The following CD37 variants were observed in gnomAD, a reference collection of about 807,000 sequenced individuals.
CD37 encodes the protein CD37 molecule.
CD37 carries 37 observed loss-of-function variants against 38.9 expected under a neutral mutation model. The ratio of observed to expected loss-of-function variants is 0.95; its 90% CI spans 0.73 to 1.25. The LOEUF is 1.25. CD37 is among the 50% of genes most tolerant of loss of function. The pLI, the probability that CD37 is intolerant of heterozygous loss-of-function variation, is 0.00. For synonymous variants in CD37, 146 were observed against 150.1 expected (o/e 0.97, Z 0.20); for missense variants, 351 against 360.1 (o/e 0.97, Z 0.20).
In CD37 at chr19:49,339,201, TAG is replaced by T; in HGVS notation, c.685-126_685-125del. ...AGCGAGGGTGCACTAGTAAGGAGAC[TAG>T]AGTGCCCTGGTGACTAGGGGAGCGG... On this transcript the variant is annotated intron_variant, in intron 6 of 7. Transcript: ENST00000323906. The surrounding 1 kb of genome is among the most constrained non-coding windows in gnomAD (Gnocchi z 4.5). The T allele has an allele frequency of 1.2e-6, 1 of 824,232 alleles. No homozygotes were observed. The allele number at this position is 824,232 out of a possible 1,614,324, so 51.1% of individuals were successfully genotyped here.
rs953618672 is a variant in CD37 at position 49,338,382 on chromosome 19, C to T, written c.448-318C>T. ...CGGACCCCGCCCCCGATGAGACTCA[C>T]ATGGTCTCGCACTCCTATTCACCTG... On this transcript the variant is annotated intron_variant, in intron 5 of 7. Transcript: ENST00000323906. The surrounding 1 kb of genome is among the most constrained non-coding windows in gnomAD (Gnocchi z 5.0). Among the ~76,000 whole-genome samples, 4 of 151,830 alleles carry T rather than the reference C, an allele frequency of 2.6e-5. No homozygotes were observed. Among genetic ancestry groups the T allele is most frequent in the African/African-American group, 9.7e-5 (4 of 41,294 alleles).
intron 2 of CD37, 137 bp from the exon 3 acceptor site, chr19:49,336,772 A>G: frequency 1.2e-6 from 1 of 805,124 alleles, no homozygotes. Flanking sequence ...ACAGGGACTC[A>G]GGGTGGGGCA....
In CD37 at chr19:49,338,258, TCCGCCC is replaced by T. The variant is rs1391868690; in HGVS notation, c.447+243_447+248del. The T allele has an allele frequency of 4.1e-5, 52 of 1,268,268 alleles. No individual in the cohort carries two copies. In the East Asian group the frequency reaches 1.1e-3, roughly 27 times the overall value. The allele number at this position is 1,268,268 out of a possible 1,614,324, so 78.6% of individuals were successfully genotyped here. A position where few individuals can be genotyped will look rare whatever the true frequency, so the allele number is the denominator to read the frequency against. The stretch of plus-strand genomic sequence containing the variant: ...GGCTTCGCCATCTACCTCGAGAGAC[TCCGCCC>T]CCGCCCCCGCCCCGACCAGAGGTTG... On this transcript the variant is annotated intron_variant, in intron 5 of 7. Transcript: ENST00000323906. This position sits in a 1 kb window ranked among gnomAD's most constrained non-coding sequence, Gnocchi z 5.0.
Position 49,337,157 on chromosome 19 carries a change from T to G in CD37, c.278T>G (p.Met93Arg). ...CACTCTGCTCCCCAGTATTTTGGGA[T>G]GCTGCTGCTCCTGTTTGCCACACAG... Reference protein sequence around the residue: ...LRCLLGLYFGMLLLLFATQIT... With the variant: ...LRCLLGLYFGRLLLLFATQIT... The change falls in exon 4 of 8, where the codon ATG (methionine) becomes AGG (arginine). Residue 93 changes from methionine (M) to arginine (R), a missense_variant. Met to Arg is a moderately conservative substitution (Grantham distance 91). Coordinates refer to ENST00000323906, the MANE Select transcript of CD37 (RefSeq NM_001774.3). 6.2e-7 allele frequency: 1 copy of G among 1,614,150 alleles called. No homozygotes were observed. Among genetic ancestry groups the G allele is most frequent in the Non-Finnish European group, 8.5e-7 (1 of 1,180,000 alleles).
In CD37 at chr19:49,339,394, T is replaced by C; in HGVS notation, c.749T>C (p.Leu250Pro). Residue 250 changes from leucine to proline, a missense_variant, in exon 7 of 8, where the codon CTG becomes CCG. Leu to Pro is a moderately conservative substitution (Grantham distance 98, BLOSUM62 -3). Coordinates refer to ENST00000323906, the MANE Select transcript of CD37 (RefSeq NM_001774.3). The surrounding 1 kb of genome is among the most constrained non-coding windows in gnomAD (Gnocchi z 4.5). ...NNLISIVGICLGVGLLELGFM... is the reference protein window; with the variant it reads ...NNLISIVGICPGVGLLELGFM... Reference sequence around the variant, plus strand: ...CTTATTTCCATAGTGGGCATTTGCCTGGGCGTCGGCCTACTCGAGGTGATC... The same window carrying C: ...CTTATTTCCATAGTGGGCATTTGCCCGGGCGTCGGCCTACTCGAGGTGATC... The C allele has an allele frequency of 6.2e-7, 1 of 1,613,966 alleles. No homozygotes were observed. Among genetic ancestry groups the C allele is most frequent in the African/African-American group, 1.3e-5 (1 of 75,040 alleles).
rs369345704 is a variant in CD37, at chr19:49,338,682, C to T, written c.448-18C>T. 42 of 1,583,800 alleles carry T rather than the reference C, an allele frequency of 2.7e-5. No individual in the cohort carries two copies. The African/African-American group carries it at 5.2e-4, about 20-fold the overall frequency. ...ATGTCTCCAGTCCCGGTCCCTCTGA[C>T]TCGTATCCCTCTCCCAGCTGCGCTG... On this transcript the variant is annotated intron_variant, in intron 5 of 7. Transcript: ENST00000323906. This position sits in a 1 kb window ranked among gnomAD's most constrained non-coding sequence, Gnocchi z 5.0.
Position 49,340,459 on chromosome 19 carries a change from G to A in CD37, c.*131G>A. Reference sequence around the variant, plus strand: ...CCTTCACATTCCCCTGGGGACCCACGTGGCTGCGTGCCCCTGCTGCTGTCA... The same window carrying A: ...CCTTCACATTCCCCTGGGGACCCACATGGCTGCGTGCCCCTGCTGCTGTCA... On this transcript the variant is annotated 3_prime_UTR_variant, in exon 8 of 8. Transcript: ENST00000323906. The A allele has an allele frequency of 2.8e-6, 2 of 714,964 alleles. No individual in the cohort carries two copies. Among genetic ancestry groups the A allele is most frequent in the South Asian group, 1.5e-5 (1 of 65,664 alleles). 44.3% of individuals were successfully genotyped at this position (714,964 alleles called of 1,614,324 possible).
rs1404328236 is a variant in CD37, at chr19:49,339,813, C to A, written c.768+400C>A. ...GCGGCAGTCTGTGGGGTGGCTGGGG[C>A]ATGGCGGGTGCCTGCCCCAACTGGG... On this transcript the variant is annotated intron_variant, in intron 7 of 7. Transcript: ENST00000323906. The surrounding 1 kb of genome is among the most constrained non-coding windows in gnomAD (Gnocchi z 4.5). The A allele has an allele frequency of 5.9e-6, 8 of 1,349,156 alleles. No homozygotes were observed. The Admixed American group carries it at 2.0e-4, about 33-fold the overall frequency. 83.6% of individuals were successfully genotyped at this position (1,349,156 alleles called of 1,614,324 possible).
intron 2 of CD37, chr19:49,336,108 A>G: frequency 2.4e-6 from 1 of 410,554 alleles, no homozygotes; most frequent in South Asian, 4.0e-5. Flanking sequence ...TACAGCAAGG[A>G]CGTAAAAGAG....
At chr19:49,340,200 G>C (rs1181171171) in intron 7 of CD37, 51 bp from the exon 8 acceptor site, 7 of 1,319,400 alleles carry the variant, frequency 5.3e-6, no homozygotes, top group Non-Finnish European at 7.2e-6. Flanking sequence ...CATCACCCCC[G>C]TCTCGCCAGC....
In CD37 at chr19:49,339,073, T is replaced by A; in HGVS notation, c.684+137T>A. On this transcript the variant is annotated intron_variant, in intron 6 of 7. Coordinates refer to ENST00000323906, the MANE Select transcript of CD37 (RefSeq NM_001774.3). This position sits in a 1 kb window ranked among gnomAD's most constrained non-coding sequence, Gnocchi z 4.5. ...AGGTACGGCAGGAGGGGCGGGGCCC[T>A]CTGAAGGGGGCGGGGTCTGCAGGAA... 1 of 755,316 alleles carries A rather than the reference T, an allele frequency of 1.3e-6. No homozygotes were observed. Among genetic ancestry groups the A allele is most frequent in the Non-Finnish European group, 2.2e-6 (1 of 458,564 alleles). 46.8% of individuals were successfully genotyped at this position (755,316 alleles called of 1,614,324 possible). A position where few individuals can be genotyped will look rare whatever the true frequency, so the allele number is the denominator to read the frequency against.
At chr19:49,337,327 C>A in intron 4 of CD37, 106 bp downstream of exon 4, 3 of 1,111,612 alleles carry the variant, frequency 2.7e-6, no homozygotes, top group Non-Finnish European at 2.7e-6. Flanking sequence ...CAGGGGCTAA[C>A]CTAGATAAAG....
intron 2 of CD37, chr19:49,336,150 A>C: frequency 2.1e-5 from 6 of 284,722 alleles, no homozygotes; most frequent in East Asian, 7.8e-5. Context: ...GAAAATAATA[A>C]TGAAGTATGA....
chr19:49,337,245 A>G lies in CD37; in HGVS notation c.342+24A>G, dbSNP rs547350783. 3.6e-4 allele frequency: 574 copies of G among 1,605,966 alleles called. 7 individuals carry two copies. In the South Asian group the frequency reaches 6.1e-3, roughly 17 times the overall value. On this transcript the variant is annotated intron_variant, in intron 4 of 7. Coordinates refer to ENST00000323906, the MANE Select transcript of CD37 (RefSeq NM_001774.3). The stretch of plus-strand genomic sequence containing the variant: ...AGGTGAGCTTCCTGCAGTGGCCACC[A>G]CCCACCCCCAGCAGGGAGGAGAGGG...
chr19:49,339,544 C>T lies in CD37; in HGVS notation c.768+131C>T. 8.8e-6 allele frequency: 13 copies of T among 1,482,738 alleles called. No homozygotes were observed. The highest frequency in any genetic ancestry group is 1.2e-5 in the Non-Finnish European group (13 of 1,105,220). 91.8% of individuals were successfully genotyped at this position (1,482,738 alleles called of 1,614,324 possible). A position where few individuals can be genotyped will look rare whatever the true frequency, so the allele number is the denominator to read the frequency against. Reference sequence around the variant, plus strand: ...GCGCAGCCCACCCCGGCCCTCCCGCCGCTCCACCCAGCACCGGAGGGTGGG... The same window carrying T: ...GCGCAGCCCACCCCGGCCCTCCCGCTGCTCCACCCAGCACCGGAGGGTGGG... On this transcript the variant is annotated intron_variant, in intron 7 of 7. Coordinates refer to ENST00000323906, the MANE Select transcript of CD37 (RefSeq NM_001774.3). This position sits in a 1 kb window ranked among gnomAD's most constrained non-coding sequence, Gnocchi z 4.5.
At position 49,339,135 on chromosome 19, in the gene CD37, A is replaced by C. The variant is rs1297701311; in HGVS notation, c.685-195A>C. Among the ~76,000 whole-genome samples, 3 of 151,996 alleles carry C rather than the reference A, an allele frequency of 2.0e-5. No individual in the cohort carries two copies. Among genetic ancestry groups the C allele is most frequent in the African/African-American group, 7.3e-5 (3 of 41,360 alleles). On this transcript the variant is annotated intron_variant, in intron 6 of 7. Coordinates refer to ENST00000323906, the MANE Select transcript of CD37 (RefSeq NM_001774.3). This position sits in a 1 kb window ranked among gnomAD's most constrained non-coding sequence, Gnocchi z 4.5. The stretch of plus-strand genomic sequence containing the variant: ...AAAGAAAAGGCTGGGCTGGCTCTGG[A>C]ATACAGATGTCTAGGGAGGGGCCAG...
rs570325639 is a variant in CD37 at position 49,339,850 on chromosome 19, C to T, written c.769-401C>T. The T allele has an allele frequency of 5.3e-4, 701 of 1,334,822 alleles. 5 individuals are homozygous for T. The highest frequency in any genetic ancestry group is 4.1e-3 in the South Asian group (248 of 61,086). 82.7% of individuals were successfully genotyped at this position (1,334,822 alleles called of 1,614,324 possible). ...CTGCCCCAACTGGGGAGACAAGGCACCGCAGGGCAAGCTGCCCATGGCCCT... is the reference window on the plus strand; with the variant it reads ...CTGCCCCAACTGGGGAGACAAGGCATCGCAGGGCAAGCTGCCCATGGCCCT... On this transcript the variant is annotated intron_variant, in intron 7 of 7. Transcript: ENST00000323906. The surrounding 1 kb of genome is among the most constrained non-coding windows in gnomAD (Gnocchi z 4.5).
rs750073378 is a variant in CD37, at chr19:49,340,279, T to C, written c.797T>C (p.Leu266Pro). The change falls in exon 8 of 8, where the codon CTG (leucine) becomes CCG (proline). Residue 266 changes from leucine to proline, a missense_variant. Physicochemically the swap from Leu to Pro is moderately conservative, Grantham distance 98 (BLOSUM62 -3). Transcript: ENST00000323906. The part of the protein sequence containing the change: ...ELGFMTLSIF[L>P]CRNLDHVYNR... ...GGGTTCATGACGCTCTCGATATTCCTGTGCAGAAACCTGGACCACGTCTAC... is the reference window on the plus strand; with the variant it reads ...GGGTTCATGACGCTCTCGATATTCCCGTGCAGAAACCTGGACCACGTCTAC... 3 of 1,613,808 alleles carry C rather than the reference T, an allele frequency of 1.9e-6. No homozygotes were observed. The highest frequency in any genetic ancestry group is 2.2e-5 in the East Asian group (1 of 44,884).
chr19:49,336,845 T>G, intron 2 of CD37, 64 bp from the exon 3 acceptor site: 1 of 1,584,738 alleles, frequency 6.3e-7, no homozygotes, highest in Non-Finnish European at 8.6e-7. Flanking sequence ...GCTGCCTAGG[T>G]GGGAAATGGG....
Sources: gnomAD v4.1 joint callset for allele counts (sites outside exome capture counted in the v4.1 genomes callset) on GRCh38, gnomAD v4.1.1 for gene constraint, Gnocchi (gnomAD v3.1) non-coding constraint, MANE v1.5 for transcripts, NCBI Gene and HGNC (gene_info 2026-07-23, HGNC 2026-07-21) for gene names.